Variants in RBFOX1 observed in about 807,000 individuals in gnomAD.
RBFOX1 encodes RNA binding protein fox-1 homolog 1.
A neutral mutation model predicts 57.7 loss-of-function variants in RBFOX1; 8 were observed. The observed-to-expected ratio is 0.14, with a 90% CI of 0.08 to 0.25. The LOEUF (loss-of-function observed/expected upper bound fraction) is 0.25. Ranked by LOEUF, RBFOX1 falls within the 10% of genes least tolerant of loss-of-function variation. RBFOX1 has a pLI of 1.00. For missense variants in RBFOX1, 611 were observed against 548.5 expected (o/e 1.11, Z -1.14); for synonymous variants, 326 against 222.4 (o/e 1.47, Z -4.15).
chr16:6,585,151 A>T (rs2097589629), intron 2 of RBFOX1, among the ~76,000 whole-genome samples: 1 of 152,186 alleles, frequency 6.6e-6, no homozygotes, highest in Non-Finnish European at 1.5e-5. Context: ...AAAGAAAAAA[A>T]TTATTCCAAG....
intron 3 of RBFOX1, among the ~76,000 whole-genome samples, chr16:6,760,226 A>G (rs908292837): frequency 6.6e-6 from 1 of 152,228 alleles, no homozygotes. Context: ...TGAATTCCTC[A>G]TGTCTTTAAG....
chr16:7,476,224 A>G (rs1167425464), intron 4 of RBFOX1, among the ~76,000 whole-genome samples: 5 of 151,944 alleles, frequency 3.3e-5, no homozygotes, highest in African/African-American at 1.2e-4. Flanking sequence ...CCTCCCACCT[A>G]GGCCTCCCAA....
At chr16:6,538,448 C>T (rs762132613) in intron 2 of RBFOX1, among the ~76,000 whole-genome samples, 16 of 152,030 alleles carry the variant, frequency 1.1e-4, no homozygotes, top group Non-Finnish European at 1.9e-4. Context: ...GTGGTGATTG[C>T]GCTACTGCAC....
chr16:7,376,756 G>C (rs1305740844), intron 4 of RBFOX1, among the ~76,000 whole-genome samples: 1 of 152,182 alleles, frequency 6.6e-6, no homozygotes, highest in African/African-American at 2.4e-5. Flanking sequence ...TAACCGGAAA[G>C]TTAAAACGTC....
chr16:7,356,297 G>T (rs2097213403), intron 4 of RBFOX1, among the ~76,000 whole-genome samples: 1 of 152,154 alleles, frequency 6.6e-6, no homozygotes, highest in Non-Finnish European at 1.5e-5. Context: ...CATCGTTATA[G>T]ATCTAAGCAA....
chr16:7,646,267 C>T (rs1458240051), intron 11 of RBFOX1, among the ~76,000 whole-genome samples: 3 of 152,184 alleles, frequency 2.0e-5, no homozygotes, highest in African/African-American at 7.2e-5. Flanking sequence ...TGAGCTATGG[C>T]TGGTGGTTTA....
chr16:7,686,327 G>T (rs1352210669), intron 14 of RBFOX1, among the ~76,000 whole-genome samples: 3 of 151,996 alleles, frequency 2.0e-5, no homozygotes, highest in Non-Finnish European at 4.4e-5. Context: ...AATAGAAATT[G>T]GGAACCGCAA....
chr16:6,790,965 G>T (rs1160265534), intron 3 of RBFOX1, among the ~76,000 whole-genome samples: 2 of 151,882 alleles, frequency 1.3e-5, no homozygotes, highest in African/African-American at 4.8e-5. Flanking sequence ...GAGTGCATTG[G>T]TATGATCTTG....
chr16:7,627,270 A>C (rs150437199), intron 10 of RBFOX1, among the ~76,000 whole-genome samples: 2 of 152,148 alleles, frequency 1.3e-5, no homozygotes, highest in African/African-American at 4.8e-5. Flanking sequence ...CCACTTCACC[A>C]ACTCTAATCA....
chr16:7,687,626 G>A (rs77216777), intron 14 of RBFOX1, among the ~76,000 whole-genome samples: 2,341 of 151,958 alleles, frequency 0.015, 58 homozygotes, highest in African/African-American at 0.053. Flanking sequence ...TTAACAACAA[G>A]AATAAACTGA....
intron 3 of RBFOX1, among the ~76,000 whole-genome samples, chr16:6,759,260 C>T (rs2076252323): frequency 6.6e-6 from 1 of 151,780 alleles, no homozygotes; most frequent in Non-Finnish European, 1.5e-5. Context: ...CAGCAGTTCT[C>T]CTGTTTCAGC....
At chr16:6,030,839 C>A (rs1315301203) in intron 1 of RBFOX1, among the ~76,000 whole-genome samples, 1 of 152,092 alleles carries the variant, frequency 6.6e-6, no homozygotes, top group Non-Finnish European at 1.5e-5. Flanking sequence ...TTTATTGGGC[C>A]ATTTATTGCC....
intron 3 of RBFOX1, among the ~76,000 whole-genome samples, chr16:6,784,137 G>A (rs1437263945): frequency 1.3e-5 from 2 of 151,928 alleles, no homozygotes; most frequent in African/African-American, 4.8e-5. Flanking sequence ...GGTGTTGCTT[G>A]ACTTTCTTGT....
chr16:6,963,135 T>C (rs1415249499), intron 3 of RBFOX1, among the ~76,000 whole-genome samples: 2 of 152,142 alleles, frequency 1.3e-5, no homozygotes, highest in Non-Finnish European at 1.5e-5. Flanking sequence ...TGCAGGACTC[T>C]TTGGGGTTCT....
At position 6,408,098 on chromosome 16, in the gene RBFOX1, G is replaced by A. The variant is rs189266884; in HGVS notation, c.-64+91041G>A. Among the ~76,000 whole-genome samples, 17 of 152,222 alleles carry A rather than the reference G, an allele frequency of 1.1e-4. No individual in the cohort carries two copies. In the East Asian group the frequency reaches 3.1e-3, roughly 28 times the overall value. On this transcript the variant is annotated intron_variant, in intron 2 of 15. Coordinates refer to ENST00000550418, the MANE Select transcript of RBFOX1 (RefSeq NM_018723.4). ...CATCTATAAGAAATGGGCCTTCACTGGACGTCAAATCTGTCGACACCTTGA... is the reference window on the plus strand; with the variant it reads ...CATCTATAAGAAATGGGCCTTCACTAGACGTCAAATCTGTCGACACCTTGA...
intron 4 of RBFOX1, among the ~76,000 whole-genome samples, chr16:7,383,487 C>T (rs1023544392): frequency 3.3e-5 from 5 of 152,040 alleles, no homozygotes; most frequent in African/African-American, 1.2e-4. Flanking sequence ...GGCCAAGGTG[C>T]CAGCTGAATT....
chr16:5,596,327 A>G (rs1417271263), intron 2 of RBFOX1, among the ~76,000 whole-genome samples: 1 of 152,166 alleles, frequency 6.6e-6, no homozygotes, highest in African/African-American at 2.4e-5. Flanking sequence ...AAGACTCTTA[A>G]TTTTGACTCA....
At chr16:7,709,456 TTC>T in intron 15 of RBFOX1, 2 of 1,420,762 alleles carry the variant, frequency 1.4e-6, no homozygotes, top group Non-Finnish European at 1.8e-6. Context: ...ACTTTTTTTT[TTC>T]TTTTTTTTTC....
At chr16:7,507,733 G>A (rs2073838469) in intron 4 of RBFOX1, among the ~76,000 whole-genome samples, 1 of 151,320 alleles carries the variant, frequency 6.6e-6, no homozygotes, top group African/African-American at 2.4e-5. Context: ...CTGGCTAATT[G>A]TTGGTAATTT....
Sources: allele counts gnomAD v4.1 joint callset (sites outside exome capture counted in the v4.1 genomes callset), GRCh38; gene constraint gnomAD v4.1.1; transcripts MANE v1.5; gene names NCBI Gene and HGNC (gene_info 2026-07-23, HGNC 2026-07-21).